The following PRICKLE2 variants were observed in gnomAD, a reference collection of about 807,000 sequenced individuals.
PRICKLE2 encodes prickle-like protein 2.
PRICKLE2 carries 21 observed loss-of-function variants against 81.4 expected under a neutral mutation model. The observed-to-expected ratio is 0.26, with a 90% CI of 0.18 to 0.37. The LOEUF (loss-of-function observed/expected upper bound fraction) is 0.37, where lower values mean the gene tolerates loss of function less well. Among genes scored for constraint, PRICKLE2 ranks in the 10% least tolerant of loss-of-function variants. The pLI, the probability that PRICKLE2 is intolerant of heterozygous loss-of-function variation, is 1.00. For missense variants in PRICKLE2, 940 were observed against 1,109.0 expected (o/e 0.85, Z 2.16); for synonymous variants, 456 against 421.5 (o/e 1.08, Z -1.00).
chr3:64,100,689 A>G (rs1243065857), intron 7 of PRICKLE2: 1 of 152,228 alleles, frequency 6.6e-6, no homozygotes, highest in Non-Finnish European at 1.5e-5. Flanking sequence ...GTGCCCCAGC[A>G]ATGGACCTCC....
chr3:64,225,154 T>A lies in PRICKLE2; in HGVS notation c.-285A>T, dbSNP rs886058803. 2.7e-4 allele frequency: 266 copies of A among 985,262 alleles called. No homozygotes were observed. Among genetic ancestry groups the A allele is most frequent in the Non-Finnish European group, 3.2e-4 (262 of 829,978 alleles). 61.0% of individuals were successfully genotyped at this position (985,262 alleles called of 1,614,324 possible). ...GAAAACAGCACTGCTGGATCCAGAC[T>A]CTGCTGGGGAATTCACCAAGCAAGA... On this transcript the variant is annotated 5_prime_UTR_variant, in exon 1 of 8. Coordinates refer to ENST00000638394, the MANE Select transcript of PRICKLE2 (RefSeq NM_198859.4).
At chr3:64,220,545 TACATACAGCAGCTCAAAC>T (rs1172516381) in intron 1 of PRICKLE2, among the ~76,000 whole-genome samples, 3 of 152,122 alleles carry the variant, frequency 2.0e-5, no homozygotes, top group Admixed American at 2.0e-4. Context: ...CTCAAACACT[TACATACAGCAGCTCAAAC>T]ACATACAGCA....
At chr3:64,218,124 C>G (rs865931308) in intron 1 of PRICKLE2, among the ~76,000 whole-genome samples, 2 of 152,118 alleles carry the variant, frequency 1.3e-5, no homozygotes, top group South Asian at 4.2e-4. Context: ...TTTAAAATAG[C>G]CAAAACCTCA....
chr3:64,157,782 CG>C (rs1559546583), intron 4 of PRICKLE2, among the ~76,000 whole-genome samples: 3 of 151,484 alleles, frequency 2.0e-5, no homozygotes, highest in Admixed American at 6.6e-5. Flanking sequence ...GGTGGGAGGA[CG>C]GGGCTTGGAG....
rs750707848 is a variant in PRICKLE2 at position 64,147,137 on chromosome 3, C to T, written c.1353G>A (p.Arg451=). ...GTCCTGTCATGGCCAGTGACGAGCT[C>T]CTTTTGGGGTTGCTGAAGTGCTTGC... ...MWGKHFSNPK[R]SSSLAMTGHA... Residue 451 remains arginine (R), a synonymous_variant, in exon 7 of 8, where the codon AGG becomes AGA. Transcript: ENST00000638394. The surrounding 1 kb of genome is among the most constrained non-coding windows in gnomAD (Gnocchi z 5.0). 8 of 1,614,146 alleles carry T rather than the reference C, an allele frequency of 5.0e-6. No homozygotes were observed. In the South Asian group the frequency reaches 7.7e-5, roughly 16 times the overall value.
intron 2 of PRICKLE2, among the ~76,000 whole-genome samples, chr3:64,189,728 G>A (rs1422506758): frequency 6.6e-6 from 1 of 152,170 alleles, no homozygotes; most frequent in African/African-American, 2.4e-5. Context: ...AGCATAGAGT[G>A]GTGAATAAGA....
chr3:64,267,614 T>C (rs2079730548), intron 2 of PRICKLE2, among the ~76,000 whole-genome samples: 1 of 151,014 alleles, frequency 6.6e-6, no homozygotes, highest in Non-Finnish European at 1.5e-5. Context: ...TGTTCCCTCT[T>C]AAGTAGTCCT....
Position 64,099,958 on chromosome 3 carries a change from A to T in PRICKLE2, c.1661-33T>A. Reference sequence around the variant, plus strand: ...AGAGAGGAGGGGACCACAGAGATTAATACAGATGTGCAGCAATGGGTATCA... The same window carrying T: ...AGAGAGGAGGGGACCACAGAGATTATTACAGATGTGCAGCAATGGGTATCA... On this transcript the variant is annotated intron_variant, in intron 7 of 7. Coordinates refer to ENST00000638394, the MANE Select transcript of PRICKLE2 (RefSeq NM_198859.4). The surrounding 1 kb of genome is among the most constrained non-coding windows in gnomAD (Gnocchi z 4.3). The T allele has an allele frequency of 6.2e-7, 1 of 1,610,504 alleles. No homozygotes were observed. The highest frequency in any genetic ancestry group is 1.7e-4 in the Middle Eastern group (1 of 5,998).
At chr3:64,137,671 G>A (rs1169086738) in intron 7 of PRICKLE2, among the ~76,000 whole-genome samples, 1 of 152,118 alleles carries the variant, frequency 6.6e-6, no homozygotes, top group Non-Finnish European at 1.5e-5. Flanking sequence ...ATTCCCTGTT[G>A]TCCCACCTTG....
chr3:64,234,748 C>T (rs1159935942), intron 2 of PRICKLE2, among the ~76,000 whole-genome samples: 1 of 152,150 alleles, frequency 6.6e-6, no homozygotes, highest in East Asian at 1.9e-4. Context: ...GCCAGAACTA[C>T]AAAGTCAGCT....
chr3:64,115,541 T>C (rs1383521624), intron 7 of PRICKLE2, among the ~76,000 whole-genome samples: 1 of 151,668 alleles, frequency 6.6e-6, no homozygotes, highest in African/African-American at 2.4e-5. Context: ...AAAGCAGGAG[T>C]TGCAATCCTA....
rs2076528593 is a variant in PRICKLE2, at chr3:64,093,324, T to C, written c.*5727A>G. ...TTGGATATTGTGAATGCTGCTTTTA[T>C]GAATATGGGTGTACAAGTATCTCTT... On this transcript the variant is annotated 3_prime_UTR_variant, in exon 8 of 8. Coordinates refer to ENST00000638394, the MANE Select transcript of PRICKLE2 (RefSeq NM_198859.4). 6.6e-6 allele frequency: 1 copy of C among 152,410 alleles called. No homozygotes were observed. The highest frequency in any genetic ancestry group is 1.5e-5 in the Non-Finnish European group (1 of 68,130). 9.4% of individuals were successfully genotyped at this position (152,410 alleles called of 1,614,324 possible).
intron 7 of PRICKLE2, among the ~76,000 whole-genome samples, chr3:64,113,703 G>T (rs772680698): frequency 6.6e-6 from 1 of 152,142 alleles, no homozygotes; most frequent in African/African-American, 2.4e-5. Context: ...CATAAAGCCA[G>T]CAAGCCCTGC....
chr3:64,258,427 C>T (rs2079559735), intron 2 of PRICKLE2, among the ~76,000 whole-genome samples: 1 of 152,144 alleles, frequency 6.6e-6, no homozygotes, highest in Non-Finnish European at 1.5e-5. Flanking sequence ...ACAATTGGAT[C>T]TCACAAACAG....
At chr3:64,258,291 T>G (rs1223262515) in intron 2 of PRICKLE2, among the ~76,000 whole-genome samples, 1 of 152,180 alleles carries the variant, frequency 6.6e-6, no homozygotes, top group Admixed American at 6.5e-5. Context: ...ACAGCACTTT[T>G]TGTAAGTCTC....
At chr3:64,187,630 G>C (rs1286083283) in intron 2 of PRICKLE2, 1 of 152,158 alleles carries the variant, frequency 6.6e-6, no homozygotes, top group Non-Finnish European at 1.5e-5. Context: ...GGTTTTTATG[G>C]GGGTTTTAGA....
chr3:64,130,610 C>T (rs1479301308), intron 7 of PRICKLE2, among the ~76,000 whole-genome samples: 1 of 152,184 alleles, frequency 6.6e-6, no homozygotes, highest in African/African-American at 2.4e-5. Flanking sequence ...CACCCAGAAC[C>T]AAACTAGGGC....
intron 2 of PRICKLE2, among the ~76,000 whole-genome samples, chr3:64,184,943 T>G (rs1423143885): frequency 6.6e-6 from 1 of 152,226 alleles, no homozygotes; most frequent in Non-Finnish European, 1.5e-5. Context: ...CACGTAGAAT[T>G]GCCAAGTGGT....
intron 2 of PRICKLE2, among the ~76,000 whole-genome samples, chr3:64,182,114 C>G (rs958644833): frequency 1.3e-5 from 2 of 152,078 alleles, no homozygotes; most frequent in East Asian, 3.9e-4. Flanking sequence ...GTGTTGGAAA[C>G]TTATTCCCCA....
Sources: allele counts gnomAD v4.1 joint callset (sites outside exome capture counted in the v4.1 genomes callset), GRCh38; gene constraint gnomAD v4.1.1; non-coding constraint Gnocchi (gnomAD v3.1); transcripts MANE v1.5; gene names NCBI Gene and HGNC (gene_info 2026-07-23, HGNC 2026-07-21).